The following PID1 variants were observed in gnomAD, a reference collection of about 807,000 sequenced individuals.
PID1 encodes phosphotyrosine interaction domain containing 1, also known as PTB-containing, cubilin and LRP1-interacting protein.
A neutral mutation model predicts 19.1 loss-of-function variants in PID1; 10 were observed. The observed-to-expected ratio is 0.52, with a 90% CI of 0.32 to 0.89. The LOEUF is 0.89. Ranked by LOEUF, PID1 falls within the 40% of genes least tolerant of loss-of-function variation. The pLI is 0.03. For missense variants in PID1, 248 were observed against 285.3 expected (o/e 0.87, Z 0.94); for synonymous variants, 130 against 116.0 (o/e 1.12, Z -0.78).
intron 2 of PID1, among the ~76,000 whole-genome samples, chr2:229,082,234 G>A (rs1455041010): frequency 2.0e-5 from 3 of 152,168 alleles, no homozygotes; most frequent in Non-Finnish European, 4.4e-5. Context: ...CAAAAAGAAG[G>A]TATAATGTTG....
intron 2 of PID1, among the ~76,000 whole-genome samples, chr2:229,087,251 A>G (rs1434598264): frequency 6.6e-6 from 1 of 152,138 alleles, no homozygotes; most frequent in Admixed American, 6.6e-5. Flanking sequence ...GCACGCATAC[A>G]TTTTTCAAAT....
intron 2 of PID1, among the ~76,000 whole-genome samples, chr2:229,098,188 C>A (rs1695007937): frequency 6.6e-6 from 1 of 152,194 alleles, no homozygotes; most frequent in Non-Finnish European, 1.5e-5. Flanking sequence ...GTTCCAATTT[C>A]AGTTCAGTCC....
chr2:229,025,574 A>G lies in PID1; in HGVS notation c.*58T>C. 2.3e-6 allele frequency: 3 copies of G among 1,307,432 alleles called. No individual in the cohort carries two copies. The highest frequency in any genetic ancestry group is 3.3e-6 in the Non-Finnish European group (3 of 920,358). 81.0% of individuals were successfully genotyped at this position (1,307,432 alleles called of 1,614,324 possible). On this transcript the variant is annotated 3_prime_UTR_variant, in exon 3 of 3. Coordinates refer to ENST00000392055, the MANE Select transcript of PID1 (RefSeq NM_001100818.2). ...CCCAAATTTGAAACGTTGCTTACTC[A>G]TCTATTCCCTTGAACTCCGTGACCA...
At chr2:229,141,878 A>T (rs1048130015) in intron 2 of PID1, among the ~76,000 whole-genome samples, 1 of 48,656 alleles carries the variant, frequency 2.1e-5, no homozygotes, top group Non-Finnish European at 4.2e-5. Flanking sequence ...AAACGAATGT[A>T]TATTTTCATT....
intron 1 of PID1, among the ~76,000 whole-genome samples, chr2:229,199,103 C>G (rs752767528): frequency 6.6e-6 from 1 of 151,870 alleles, no homozygotes; most frequent in Non-Finnish European, 1.5e-5. Flanking sequence ...AAACTGACAC[C>G]CTTGCCAGTG....
intron 1 of PID1, among the ~76,000 whole-genome samples, chr2:229,223,248 A>G (rs1283286917): frequency 2.6e-5 from 4 of 152,184 alleles, no homozygotes; most frequent in African/African-American, 9.7e-5. Context: ...AAAAGCCCCA[A>G]AATTATCCAT....
At chr2:229,034,864 T>C (rs1425684287) in intron 2 of PID1, among the ~76,000 whole-genome samples, 2 of 152,122 alleles carry the variant, frequency 1.3e-5, no homozygotes, top group African/African-American at 4.8e-5. Flanking sequence ...GGAAAATGTG[T>C]ACCTGTCAGT....
intron 1 of PID1, among the ~76,000 whole-genome samples, chr2:229,251,366 G>C (rs1690145398): frequency 6.6e-6 from 1 of 151,574 alleles, no homozygotes; most frequent in Admixed American, 6.6e-5. Flanking sequence ...TGAGTTCCAA[G>C]ATCCGTTGGT....
chr2:229,221,926 A>G (rs1488906921), intron 1 of PID1, among the ~76,000 whole-genome samples: 1 of 152,094 alleles, frequency 6.6e-6, no homozygotes, highest in African/African-American at 2.4e-5. Flanking sequence ...CCCCCCTCTG[A>G]CATTCCTGTC....
intron 2 of PID1, among the ~76,000 whole-genome samples, chr2:229,072,523 G>A (rs1333327622): frequency 6.6e-6 from 1 of 152,020 alleles, no homozygotes; most frequent in African/African-American, 2.4e-5. Context: ...GGGAAGTGGA[G>A]GTTGCAGTGA....
chr2:229,043,627 C>A (rs988325063), intron 2 of PID1, among the ~76,000 whole-genome samples: 5 of 152,136 alleles, frequency 3.3e-5, no homozygotes, highest in African/African-American at 4.8e-5. Flanking sequence ...AAGCATGAAG[C>A]TCTTTCATTA....
intron 1 of PID1, among the ~76,000 whole-genome samples, chr2:229,181,051 T>A (rs547282131): frequency 3.9e-5 from 6 of 152,228 alleles, no homozygotes; most frequent in Admixed American, 2.6e-4. Context: ...CTCTACACTT[T>A]GTCTCTGTGT....
intron 1 of PID1, among the ~76,000 whole-genome samples, chr2:229,229,325 C>T (rs898339671): frequency 3.9e-5 from 6 of 152,106 alleles, no homozygotes; most frequent in African/African-American, 1.4e-4. Context: ...TTTTTGATGC[C>T]ATGCATCATG....
chr2:229,061,079 A>C (rs1457153330), intron 2 of PID1, among the ~76,000 whole-genome samples: 1 of 151,996 alleles, frequency 6.6e-6, no homozygotes, highest in Admixed American at 6.6e-5. Flanking sequence ...CATTCTACTG[A>C]TTGTTTACCT....
At chr2:229,081,626 A>G (rs1169156452) in intron 2 of PID1, among the ~76,000 whole-genome samples, 1 of 152,108 alleles carries the variant, frequency 6.6e-6, no homozygotes, top group Non-Finnish European at 1.5e-5. Flanking sequence ...AAGGTGCAAT[A>G]TGAGACGCTC....
intron 2 of PID1, among the ~76,000 whole-genome samples, chr2:229,066,413 G>A (rs1694328376): frequency 6.6e-6 from 1 of 152,196 alleles, no homozygotes; most frequent in African/African-American, 2.4e-5. Context: ...TAACACATGT[G>A]TTGAAATGTG....
At chr2:229,207,746 A>T (rs1260873817) in intron 1 of PID1, among the ~76,000 whole-genome samples, 2 of 151,958 alleles carry the variant, frequency 1.3e-5, no homozygotes, top group East Asian at 3.9e-4. Flanking sequence ...CCGTGTTTTC[A>T]AATGCCTCCC....
chr2:229,158,547 A>G lies in PID1; in HGVS notation c.31-2583T>C, dbSNP rs561363598. 1.2e-4 allele frequency among the ~76,000 whole-genome samples: 19 copies of G among 152,352 alleles called. No individual in the cohort carries two copies. In the South Asian group the frequency reaches 1.9e-3, roughly 15 times the overall value. On this transcript the variant is annotated intron_variant, in intron 1 of 2. Coordinates refer to ENST00000392055, the MANE Select transcript of PID1 (RefSeq NM_001100818.2). ...GTTCCTAGCACATTTCAGAAGTCCA[A>G]TGAATATTTGTGGAAGGTAATGAAG...
intron 1 of PID1, among the ~76,000 whole-genome samples, chr2:229,235,064 C>T (rs978159968): frequency 6.6e-6 from 1 of 152,124 alleles, no homozygotes; most frequent in Non-Finnish European, 1.5e-5. Flanking sequence ...TTTCTTGTCC[C>T]TCTCCAGTGT....
Sources: gnomAD v4.1 joint callset for allele counts (sites outside exome capture counted in the v4.1 genomes callset) on GRCh38, gnomAD v4.1.1 for gene constraint, MANE v1.5 for transcripts, NCBI Gene and HGNC (gene_info 2026-07-23, HGNC 2026-07-21) for gene names.